Variants in CIMIP5 observed in about 807,000 individuals in gnomAD.
The protein encoded by CIMIP5 is uncharacterized protein C2orf50.
the CIMIP5 span, among the ~76,000 whole-genome samples, chr2:11,135,104 G>T: frequency 6.6e-6 from 1 of 152,126 alleles, no homozygotes; most frequent in Non-Finnish European, 1.5e-5. Flanking sequence ...ATCCATTACC[G>T]CAAGGATGGC....
chr2:11,133,378 C>T, the CIMIP5 span: 197 of 1,612,348 alleles, frequency 1.2e-4, 2 homozygotes, highest in Admixed American at 3.2e-3. Context: ...ACCACATCAG[C>T]TGGGTACCGA....
At chr2:11,134,180 T>C in the CIMIP5 span, among the ~76,000 whole-genome samples, 213 of 151,800 alleles carry the variant, frequency 1.4e-3, 1 homozygote, top group Non-Finnish European at 2.3e-3. Context: ...AGGAGACATT[T>C]AAGCTGAGAC....
the CIMIP5 span, among the ~76,000 whole-genome samples, chr2:11,138,161 T>A: frequency 6.6e-6 from 1 of 152,262 alleles, no homozygotes; most frequent in Non-Finnish European, 1.5e-5. Context: ...TTTAAAGGAA[T>A]GTTTATTATC....
the CIMIP5 span, chr2:11,133,534 A>T: frequency 3.1e-6 from 5 of 1,608,000 alleles, no homozygotes; most frequent in Non-Finnish European, 4.2e-6. Flanking sequence ...GATGGCGTGC[A>T]GCAGGACCAG....
At chr2:11,142,541 C>T in the CIMIP5 span, among the ~76,000 whole-genome samples, 2 of 152,104 alleles carry the variant, frequency 1.3e-5, no homozygotes, top group African/African-American at 2.4e-5. Flanking sequence ...AACCTGACTA[C>T]TGAAATCTGC....
At chr2:11,133,880 G>A in the CIMIP5 span, among the ~76,000 whole-genome samples, 1 of 152,156 alleles carries the variant, frequency 6.6e-6, no homozygotes, top group African/African-American at 2.4e-5. Context: ...GAGCCTGCTG[G>A]CCTAGTCTGG....
the CIMIP5 span, among the ~76,000 whole-genome samples, chr2:11,136,201 C>T: frequency 6.6e-6 from 1 of 152,146 alleles, no homozygotes; most frequent in African/African-American, 2.4e-5. Context: ...GGAATAATTG[C>T]CAAGACCAAT....
the CIMIP5 span, among the ~76,000 whole-genome samples, chr2:11,148,920 G>A: frequency 1.3e-5 from 2 of 151,648 alleles, no homozygotes; most frequent in African/African-American, 4.8e-5. Flanking sequence ...TTTTAGTAGA[G>A]ACGGGGGTTC....
At chr2:11,135,739 G>A in the CIMIP5 span, among the ~76,000 whole-genome samples, 1 of 150,278 alleles carries the variant, frequency 6.7e-6, no homozygotes. Flanking sequence ...TCAGCTCACT[G>A]CAAGTTCTGG....
the CIMIP5 span, among the ~76,000 whole-genome samples, chr2:11,137,843 ATTTC>A: frequency 8.0e-4 from 121 of 152,154 alleles, 1 homozygote; most frequent in African/African-American, 2.0e-3. Flanking sequence ...GTTTTATTTT[ATTTC>A]TTTCTTTCTT....
chr2:11,140,375 A>C, the CIMIP5 span: 574 of 17,342 alleles, frequency 0.033, 3 homozygotes, highest in African/African-American at 0.08. Flanking sequence ...CCTCCGTCTT[A>C]AAAAAAAAAA....
chr2:11,137,823 T>C, the CIMIP5 span, among the ~76,000 whole-genome samples: 1 of 152,200 alleles, frequency 6.6e-6, no homozygotes, highest in African/African-American at 2.4e-5. Context: ...TGAGGAGGTG[T>C]CTAAGAAAGG....
At chr2:11,144,446 G>T in the CIMIP5 span, 4 of 187,434 alleles carry the variant, frequency 2.1e-5, no homozygotes, top group Non-Finnish European at 4.4e-5. Flanking sequence ...TGAGCTGTGG[G>T]ACCTTGAGCT....
At chr2:11,133,238 A>G in the CIMIP5 span, 1 of 1,414,374 alleles carries the variant, frequency 7.1e-7, no homozygotes, top group Admixed American at 2.7e-5. Context: ...GTTAGGAGGG[A>G]CAGAGTGTTC....
At chr2:11,133,678 CA>C in the CIMIP5 span, 7 of 1,506,640 alleles carry the variant, frequency 4.6e-6, no homozygotes, top group Non-Finnish European at 5.3e-6. Flanking sequence ...GATGGGAGGG[CA>C]AATGATCTGG....
chr2:11,151,376 T>A, the CIMIP5 span, among the ~76,000 whole-genome samples: 1 of 152,214 alleles, frequency 6.6e-6, no homozygotes, highest in Non-Finnish European at 1.5e-5. Context: ...AGTTCAGATC[T>A]CCTCTGTTGA....
chr2:11,139,672 C>T, the CIMIP5 span, among the ~76,000 whole-genome samples: 2 of 152,208 alleles, frequency 1.3e-5, no homozygotes, highest in South Asian at 2.1e-4. Flanking sequence ...TAGGCAGCCC[C>T]ACCATAGTGA....
the CIMIP5 span, among the ~76,000 whole-genome samples, chr2:11,138,543 G>A: frequency 6.6e-6 from 1 of 152,306 alleles, no homozygotes; most frequent in South Asian, 2.1e-4. Flanking sequence ...AACAGCAGTG[G>A]ATATGGTGTG....
chr2:11,133,208 C>T, the CIMIP5 span: 1 of 1,201,768 alleles, frequency 8.3e-7, no homozygotes, highest in Non-Finnish European at 1.1e-6. Flanking sequence ...TGAGGAGGAC[C>T]CTGCCCAGGC....
Sources: gnomAD v4.1 joint callset for allele counts (sites outside exome capture counted in the v4.1 genomes callset) on GRCh38, gnomAD v4.1.1 for gene constraint, MANE v1.5 for transcripts, NCBI Gene and HGNC (gene_info 2026-07-23, HGNC 2026-07-21) for gene names.